The following GABBR2 variants were observed in gnomAD, a reference collection of about 807,000 sequenced individuals.
GABBR2 encodes gamma-aminobutyric acid type B receptor subunit 2.
GABBR2 carries 23 observed loss-of-function variants against 105.6 expected under a neutral mutation model. That is an observed-to-expected ratio of 0.22 (90% CI 0.16 to 0.31). The LOEUF (loss-of-function observed/expected upper bound fraction) is 0.31, where lower values mean the gene tolerates loss of function less well. GABBR2 is among the 10% of genes least tolerant of loss of function. GABBR2 has a pLI of 1.00. For synonymous variants in GABBR2, 478 were observed against 499.7 expected (o/e 0.96, Z 0.58); for missense variants, 734 against 1,245.5 (o/e 0.59, Z 6.18).
At chr9:98,492,870 C>T (rs914899417) in intron 4 of GABBR2, among the ~76,000 whole-genome samples, 2 of 152,152 alleles carry the variant, frequency 1.3e-5, no homozygotes, top group African/African-American at 4.8e-5. Flanking sequence ...TTGATTGCCT[C>T]GCTAAGGGAA....
chr9:98,576,519 A>G (rs1415162978), intron 2 of GABBR2, among the ~76,000 whole-genome samples: 2 of 152,152 alleles, frequency 1.3e-5, no homozygotes, highest in Non-Finnish European at 2.9e-5. Context: ...TCCTTACTAC[A>G]GTCTTATCTT....
chr9:98,654,642 T>G (rs1275372057), intron 1 of GABBR2, among the ~76,000 whole-genome samples: 1 of 152,094 alleles, frequency 6.6e-6, no homozygotes, highest in Non-Finnish European at 1.5e-5. Context: ...ACATCAGAGC[T>G]GAATTCAGAA....
At chr9:98,371,891 A>G (rs1415433479) in intron 11 of GABBR2, among the ~76,000 whole-genome samples, 3 of 152,152 alleles carry the variant, frequency 2.0e-5, no homozygotes, top group Non-Finnish European at 2.9e-5. Context: ...TACCACCAAA[A>G]GGTGATGGTC....
rs747261043 is a variant in GABBR2 at position 98,306,204 on chromosome 9, G to C, written c.2146C>G (p.Gln716Glu). Residue 716 changes from glutamine to glutamate, a missense_variant, in exon 15 of 19, where the codon CAG becomes GAG. Physicochemically the swap from Gln to Glu is conservative, Grantham distance 29 (BLOSUM62 2). Coordinates refer to ENST00000259455, the MANE Select transcript of GABBR2 (RefSeq NM_005458.8). The surrounding 1 kb of genome is among the most constrained non-coding windows in gnomAD (Gnocchi z 5.4). ...GAAVSFLTRD[Q>E]PNVQFCIVAL... is the part of the protein sequence containing the mutation. ...ACGATGCAGAACTGCACATTGGGCT[G>C]GTCCCGGGTCAGGAAGGAGACAGCG... 2 of 1,614,178 alleles carry C rather than the reference G, an allele frequency of 1.2e-6. No homozygotes were observed. Among genetic ancestry groups the C allele is most frequent in the Non-Finnish European group, 1.7e-6 (2 of 1,180,006 alleles).
chr9:98,339,872 C>T (rs530609765), intron 13 of GABBR2, among the ~76,000 whole-genome samples: 3 of 152,126 alleles, frequency 2.0e-5, no homozygotes, highest in Admixed American at 1.3e-4. Flanking sequence ...CTAGTGTAGT[C>T]ATCATGGCTG....
At chr9:98,346,331 A>T (rs1831303550) in intron 13 of GABBR2, among the ~76,000 whole-genome samples, 2 of 152,244 alleles carry the variant, frequency 1.3e-5, no homozygotes, top group African/African-American at 4.8e-5. Context: ...TCATTTCAAC[A>T]ATGTTCACAG....
chr9:98,657,069 A>G (rs1352276484), intron 1 of GABBR2, among the ~76,000 whole-genome samples: 1 of 152,232 alleles, frequency 6.6e-6, no homozygotes, highest in Non-Finnish European at 1.5e-5. Context: ...CTTCTCTTGA[A>G]AACTCAGTAG....
intron 13 of GABBR2, among the ~76,000 whole-genome samples, chr9:98,316,309 G>A (rs941378490): frequency 6.6e-6 from 1 of 152,074 alleles, no homozygotes; most frequent in African/African-American, 2.4e-5. Flanking sequence ...GCGCCACCAC[G>A]CCCAGCTAAT....
chr9:98,398,560 C>T (rs1052282908), intron 8 of GABBR2, among the ~76,000 whole-genome samples: 1 of 152,110 alleles, frequency 6.6e-6, no homozygotes, highest in Non-Finnish European at 1.5e-5. Flanking sequence ...CTCTGTGTGA[C>T]GTCCCCTCAT....
chr9:98,468,789 C>A (rs1294406007), intron 6 of GABBR2, among the ~76,000 whole-genome samples: 7 of 152,152 alleles, frequency 4.6e-5, no homozygotes, highest in Admixed American at 3.3e-4. Flanking sequence ...CACACCGGAT[C>A]TCTGGAGTAC....
chr9:98,611,099 G>T (rs548292557), intron 1 of GABBR2, among the ~76,000 whole-genome samples: 1 of 152,086 alleles, frequency 6.6e-6, no homozygotes, highest in Non-Finnish European at 1.5e-5. Context: ...ATTCCTCCCC[G>T]CTGCCTACAG....
At chr9:98,535,729 AC>A (rs1828164323) in intron 3 of GABBR2, among the ~76,000 whole-genome samples, 3 of 152,200 alleles carry the variant, frequency 2.0e-5, no homozygotes, top group African/African-American at 7.2e-5. Context: ...CAATGAAAAG[AC>A]ATGGCGGAAA....
At chr9:98,621,103 G>C (rs900267492) in intron 1 of GABBR2, among the ~76,000 whole-genome samples, 1 of 152,204 alleles carries the variant, frequency 6.6e-6, no homozygotes, top group Admixed American at 6.5e-5. Flanking sequence ...CTTATAAAGA[G>C]CCCTTCACAA....
chr9:98,499,619 T>C lies in GABBR2; in HGVS notation c.631-3105A>G, dbSNP rs371739071. 5.3e-5 allele frequency among the ~76,000 whole-genome samples: 8 copies of C among 152,374 alleles called. 1 individual carries two copies. In the East Asian group the frequency reaches 1.5e-3, roughly 29 times the overall value. ...AAAGCATGGAAAAGAAATAATGTAA[T>C]AGATCTTCCTCACAAGGGAAAACAA... is the stretch of plus-strand genomic sequence containing the variant. On this transcript the variant is annotated intron_variant, in intron 3 of 18. Transcript: ENST00000259455.
chr9:98,424,251 T>C (rs1220359634), intron 7 of GABBR2, among the ~76,000 whole-genome samples: 1 of 152,172 alleles, frequency 6.6e-6, no homozygotes, highest in Non-Finnish European at 1.5e-5. Flanking sequence ...TCTCAATAGA[T>C]GCAGAAAAGG....
At chr9:98,378,403 G>A (rs1831915705) in intron 11 of GABBR2, among the ~76,000 whole-genome samples, 1 of 152,206 alleles carries the variant, frequency 6.6e-6, no homozygotes, top group South Asian at 2.1e-4. Flanking sequence ...GTTCGAGGGT[G>A]GGGGCCACAA....
At chr9:98,453,297 A>AT (rs1461219359) in intron 7 of GABBR2, among the ~76,000 whole-genome samples, 1 of 152,242 alleles carries the variant, frequency 6.6e-6, no homozygotes, top group Non-Finnish European at 1.5e-5. Flanking sequence ...AAGTGTTGGG[A>AT]TTACAGGCGT....
intron 7 of GABBR2, among the ~76,000 whole-genome samples, chr9:98,411,155 T>C (rs1047199179): frequency 3.9e-5 from 6 of 152,164 alleles, no homozygotes; most frequent in Non-Finnish European, 8.8e-5. Context: ...GGATTTTTTT[T>C]CCCCCTGAAA....
At chr9:98,489,213 G>A (rs1827123135) in intron 4 of GABBR2, among the ~76,000 whole-genome samples, 1 of 152,226 alleles carries the variant, frequency 6.6e-6, no homozygotes, top group Non-Finnish European at 1.5e-5. Flanking sequence ...TTGTGGGGAT[G>A]AAGTGAATTC....
Sources: allele counts gnomAD v4.1 joint callset (sites outside exome capture counted in the v4.1 genomes callset), GRCh38; gene constraint gnomAD v4.1.1; non-coding constraint Gnocchi (gnomAD v3.1); transcripts MANE v1.5; gene names NCBI Gene and HGNC (gene_info 2026-07-23, HGNC 2026-07-21).